BMPR1A: variants seen among roughly 807,000 people sequenced by gnomAD.
BMPR1A encodes the protein bone morphogenetic protein receptor type 1A, also known as bone morphogenetic protein receptor type-1A.
A neutral mutation model predicts 66.0 loss-of-function variants in BMPR1A; 7 were observed. The ratio of observed to expected loss-of-function variants is 0.11; its 90% confidence interval spans 0.06 to 0.20. The LOEUF is 0.20. Ranked by LOEUF, BMPR1A falls within the 10% of genes least tolerant of loss-of-function variation. The pLI is 1.00. For missense variants in BMPR1A, 408 were observed against 669.1 expected (o/e 0.61, Z 4.31); for synonymous variants, 200 against 229.7 (o/e 0.87, Z 1.17).
chr10:86,856,686 G>C (rs565676510), intron 2 of BMPR1A, among the ~76,000 whole-genome samples: 6 of 152,296 alleles, frequency 3.9e-5, no homozygotes, highest in African/African-American at 1.2e-4. Context: ...AATGCTGACT[G>C]TAATACAGTT....
At chr10:86,792,063 CTT>C (rs35251758) in intron 1 of BMPR1A, among the ~76,000 whole-genome samples, 860 of 83,568 alleles carry the variant, frequency 0.01, 5 homozygotes, top group Non-Finnish European at 0.017. Flanking sequence ...ACTGTCAGAT[CTT>C]TTTTTTTTTT....
Position 86,923,758 on chromosome 10 carries a change from A to G in BMPR1A, c.*39A>G. On this transcript the variant is annotated 3_prime_UTR_variant, in exon 13 of 13. Coordinates refer to ENST00000372037, the MANE Select transcript of BMPR1A (RefSeq NM_004329.3). Reference sequence around the variant, plus strand: ...GGAGGAGAAACTCTAGACTGCAAGAACTGTTTTTACCCATGGCATGGGTGG... The same window carrying G: ...GGAGGAGAAACTCTAGACTGCAAGAGCTGTTTTTACCCATGGCATGGGTGG... 1 of 1,610,376 alleles carries G rather than the reference A, an allele frequency of 6.2e-7. No individual in the cohort carries two copies. The highest frequency in any genetic ancestry group is 8.5e-7 in the Non-Finnish European group (1 of 1,178,380).
Position 86,899,778 on chromosome 10 carries a change from A to G in BMPR1A, c.334-16A>G, listed in dbSNP as rs143279531. 1.2e-5 allele frequency: 19 copies of G among 1,602,592 alleles called. No homozygotes were observed. The East Asian group carries it at 3.6e-4, about 30-fold the overall frequency. On this transcript the variant is annotated splice_polypyrimidine_tract_variant and intron_variant, in intron 5 of 12. Coordinates refer to ENST00000372037, the MANE Select transcript of BMPR1A (RefSeq NM_004329.3). Reference sequence around the variant, plus strand: ...ATACCAAACCATTTCTAATTTTATCATTACTCTTCTTTTAGGATTCTCCAA... The same window carrying G: ...ATACCAAACCATTTCTAATTTTATCGTTACTCTTCTTTTAGGATTCTCCAA...
At chr10:86,781,528 A>C (rs778592948) in intron 1 of BMPR1A, among the ~76,000 whole-genome samples, 57 of 152,164 alleles carry the variant, frequency 3.7e-4, no homozygotes, top group Admixed American at 6.5e-4. Flanking sequence ...GTTCTGTACA[A>C]ATTTTAGGAT....
chr10:86,908,160 T>C (rs1046346577), intron 7 of BMPR1A, among the ~76,000 whole-genome samples: 2 of 152,118 alleles, frequency 1.3e-5, no homozygotes, highest in African/African-American at 4.8e-5. Flanking sequence ...GCCAAGATCA[T>C]GCCACTGCAC....
intron 1 of BMPR1A, among the ~76,000 whole-genome samples, chr10:86,788,016 A>G (rs1003860222): frequency 1.3e-5 from 2 of 152,166 alleles, no homozygotes; most frequent in South Asian, 4.1e-4. Flanking sequence ...TCAACCATAG[A>G]GGAAGAGAAT....
Position 86,888,100 on chromosome 10 carries a change from G to T in BMPR1A, c.68-1962G>T, listed in dbSNP as rs369112519. Among the ~76,000 whole-genome samples the T allele has an allele frequency of 7.9e-5, 12 of 151,556 alleles. No individual in the cohort carries two copies. In the South Asian group the frequency reaches 2.3e-3, roughly 29 times the overall value. ...AATTTATTTCTGAAAGGAGAGTGGT[G>T]TGGGGGGCGCGGGGATGAGTAATAT... On this transcript the variant is annotated intron_variant, in intron 3 of 12. Coordinates refer to ENST00000372037, the MANE Select transcript of BMPR1A (RefSeq NM_004329.3).
chr10:86,862,129 T>C (rs146526858), intron 2 of BMPR1A, among the ~76,000 whole-genome samples: 1 of 152,136 alleles, frequency 6.6e-6, no homozygotes, highest in African/African-American at 2.4e-5. Flanking sequence ...GGCAATAAAA[T>C]ACAGAAAAAT....
rs1026918707 is a variant in BMPR1A at position 86,925,264 on chromosome 10, A to T, written c.*1545A>T. 1 of 224,920 alleles carries T rather than the reference A, an allele frequency of 4.4e-6. No homozygotes were observed. Among genetic ancestry groups the T allele is most frequent in the Non-Finnish European group, 8.8e-6 (1 of 113,268 alleles). The allele number at this position is 224,920 out of a possible 1,614,324, so 13.9% of individuals were successfully genotyped here. A position where few individuals can be genotyped will look rare whatever the true frequency, so the allele number is the denominator to read the frequency against. On this transcript the variant is annotated 3_prime_UTR_variant, in exon 13 of 13. Transcript: ENST00000372037. Reference sequence around the variant, plus strand: ...TGCTTTTTAAATATTTATTCTGAGCAAACAATTCATGAGTACATCAAGTGA... The same window carrying T: ...TGCTTTTTAAATATTTATTCTGAGCTAACAATTCATGAGTACATCAAGTGA...
intron 2 of BMPR1A, among the ~76,000 whole-genome samples, chr10:86,854,080 C>T (rs949305501): frequency 4.6e-5 from 7 of 151,594 alleles, no homozygotes; most frequent in African/African-American, 1.7e-4. Context: ...TTTCAGAGGC[C>T]CACCCTCAGG....
At chr10:86,834,292 T>A (rs1000879522) in intron 1 of BMPR1A, among the ~76,000 whole-genome samples, 1 of 152,214 alleles carries the variant, frequency 6.6e-6, no homozygotes, top group Non-Finnish European at 1.5e-5. Flanking sequence ...TTGAGTCTCT[T>A]CTGTAGTTCA....
At chr10:86,912,135 G>T (rs1380874725) in intron 7 of BMPR1A, 105 bp from the exon 8 acceptor site, 38 of 1,249,482 alleles carry the variant, frequency 3.0e-5, no homozygotes, top group South Asian at 4.0e-5. Flanking sequence ...ATTTGGATAG[G>T]ATTCTTTCTG....
intron 1 of BMPR1A, among the ~76,000 whole-genome samples, chr10:86,828,619 G>A (rs548118762): frequency 1.3e-5 from 2 of 152,240 alleles, no homozygotes; most frequent in Admixed American, 1.3e-4. Flanking sequence ...AGCAGATCTG[G>A]TGAACCCTTA....
chr10:86,922,910 G>C (rs919376168), intron 11 of BMPR1A, among the ~76,000 whole-genome samples: 3 of 152,224 alleles, frequency 2.0e-5, no homozygotes, highest in African/African-American at 7.2e-5. Context: ...TTGTGTACCC[G>C]GGCACTGGCC....
At chr10:86,834,595 T>C (rs1842315375) in intron 1 of BMPR1A, among the ~76,000 whole-genome samples, 1 of 152,192 alleles carries the variant, frequency 6.6e-6, no homozygotes, top group Admixed American at 6.5e-5. Context: ...ATATTCAATT[T>C]ATAAATGAAG....
intron 7 of BMPR1A, among the ~76,000 whole-genome samples, chr10:86,902,141 T>C (rs975674271): frequency 1.3e-5 from 2 of 152,194 alleles, no homozygotes; most frequent in African/African-American, 4.8e-5. Flanking sequence ...ATTACAGGCG[T>C]GAGCCACCGC....
intron 1 of BMPR1A, among the ~76,000 whole-genome samples, chr10:86,757,583 T>C (rs569611963): frequency 2.0e-5 from 3 of 152,302 alleles, no homozygotes; most frequent in South Asian, 2.1e-4. Flanking sequence ...AAAAATAATA[T>C]GCTGTGTGTT....
At chr10:86,812,200 A>G (rs563207736) in intron 1 of BMPR1A, among the ~76,000 whole-genome samples, 37 of 152,328 alleles carry the variant, frequency 2.4e-4, no homozygotes, top group Non-Finnish European at 4.3e-4. Flanking sequence ...ATCCCTTTGC[A>G]GTCACACCCC....
chr10:86,807,442 A>G (rs769111508), intron 1 of BMPR1A, among the ~76,000 whole-genome samples: 1 of 152,192 alleles, frequency 6.6e-6, no homozygotes, highest in African/African-American at 2.4e-5. Flanking sequence ...GTGCAGTGAC[A>G]TGATCATAGC....
Sources: gnomAD v4.1 joint callset for allele counts (sites outside exome capture counted in the v4.1 genomes callset) on GRCh38, gnomAD v4.1.1 for gene constraint, MANE v1.5 for transcripts, NCBI Gene and HGNC (gene_info 2026-07-23, HGNC 2026-07-21) for gene names.